Variants in ETNK1 observed in about 807,000 individuals in gnomAD.
ETNK1 encodes putative protein product of Nbla10396.
A neutral mutation model predicts 45.1 loss-of-function variants in ETNK1; 8 were observed. The ratio of observed to expected loss-of-function variants is 0.18; its 90% CI spans 0.10 to 0.32. The LOEUF is 0.32. Among genes scored for constraint, ETNK1 ranks in the 10% least tolerant of loss-of-function variants. ETNK1 has a pLI of 1.00. For missense variants in ETNK1, 302 were observed against 430.6 expected, an observed-to-expected ratio of 0.70 and a Z score of 2.64; for synonymous variants, 152 against 151.9, an observed-to-expected ratio of 1.00 and a Z score of -0.01.
At chr12:22,659,236 A>G (rs889711531) in intron 3 of ETNK1, 82 bp downstream of exon 3, 36 of 1,359,500 alleles carry the variant, frequency 2.6e-5, no homozygotes, top group Non-Finnish European at 3.3e-5. Flanking sequence ...GTAAAGTTTC[A>G]TTGTATAAAA....
chr12:22,671,380 T>C (rs1189223747), intron 5 of ETNK1, 25 bp downstream of exon 5: 1 of 1,348,216 alleles, frequency 7.4e-7, no homozygotes, highest in Non-Finnish European at 1.1e-6. Flanking sequence ...GTAACTTATT[T>C]AGCTTTGAAA....
chr12:22,684,490 A>G lies in ETNK1; in HGVS notation c.953A>G (p.His318Arg). 1 of 1,607,968 alleles carries G rather than the reference A, an allele frequency of 6.2e-7. No homozygotes were observed. The highest frequency in any genetic ancestry group is 8.5e-7 in the Non-Finnish European group (1 of 1,177,206). The stretch of plus-strand genomic sequence containing the variant: ...TTCTTTCCTTCTTTTAAGGCTTCTC[A>G]TTTCTTTTGGGGATTGTGGGCTTTG... ...IQVNQFALAS[H>R]FFWGLWALIQ... The change falls in exon 7 of 8, where the codon CAT (histidine) becomes CGT (arginine). Residue 318 changes from histidine to arginine, a missense_variant. Around this residue, in one of 3 missense-constraint regions of ETNK1, gnomAD observed 94 missense variants for 152.9 expected, o/e 0.61. Transcript: ENST00000266517.
chr12:22,658,914 AT>A, intron 2 of ETNK1, 99 bp from the exon 3 acceptor site: 1 of 1,250,898 alleles, frequency 8.0e-7, no homozygotes, highest in Admixed American at 2.3e-5. Flanking sequence ...CTACAAGAAG[AT>A]TCGGGAGACT....
In ETNK1 at chr12:22,671,265, C is replaced by A; in HGVS notation, c.701-7C>A. ...TCTTAATGTCTTTGTTTTTGTGTCT[C>A]ACATAGGTGATGTACAGTTCATTGA... is the stretch of plus-strand genomic sequence containing the variant. On this transcript the variant is annotated splice_region_variant and splice_polypyrimidine_tract_variant and intron_variant, in intron 4 of 7. Transcript: ENST00000266517. The A allele has an allele frequency of 6.3e-7, 1 of 1,581,074 alleles. No individual in the cohort carries two copies. The highest frequency in any genetic ancestry group is 8.7e-7 in the Non-Finnish European group (1 of 1,151,156).
intron 6 of ETNK1, among the ~76,000 whole-genome samples, chr12:22,683,141 G>A (rs1217474038): frequency 6.6e-6 from 1 of 152,124 alleles, no homozygotes; most frequent in Non-Finnish European, 1.5e-5. Flanking sequence ...CCACACGCCA[G>A]AGCCCAGCTT....
chr12:22,627,128 C>G (rs1305900399), intron 1 of ETNK1, among the ~76,000 whole-genome samples: 2 of 151,158 alleles, frequency 1.3e-5, no homozygotes, highest in Admixed American at 1.3e-4. Context: ...GTAATAATAG[C>G]TACTGTGGGG....
At position 22,676,855 on chromosome 12, in the gene ETNK1, GGT is replaced by G. The variant is rs199963892; in HGVS notation, c.945+3196_945+3197del. Among the ~76,000 whole-genome samples the G allele has an allele frequency of 6.2e-3, 824 of 133,956 alleles. 5 individuals carry two copies. The highest frequency in any genetic ancestry group is 0.019 in the African/African-American group (779 of 40,240). 87.9% of individuals were successfully genotyped at this position (133,956 alleles called of 152,430 possible). ...CATATCCTTTGCCTACGTTTTGATG[GGT>G]TTTTTTTTTCTTGTAAATTTGTTTA... On this transcript the variant is annotated intron_variant, in intron 6 of 7. Transcript: ENST00000266517.
intron 5 of ETNK1, among the ~76,000 whole-genome samples, chr12:22,672,555 TAAC>T (rs1342036003): frequency 6.6e-6 from 1 of 152,196 alleles, no homozygotes; most frequent in African/African-American, 2.4e-5. Flanking sequence ...AATAAAATAT[TAAC>T]ATGTTAGTAA....
At chr12:22,684,647 A>G (rs1203043057) in intron 7 of ETNK1, 91 bp downstream of exon 7, 1 of 951,312 alleles carries the variant, frequency 1.1e-6, no homozygotes, top group East Asian at 2.5e-5. Context: ...AGTTATTTGC[A>G]ATCAATTATA....
chr12:22,658,189 G>C (rs1953963253), intron 2 of ETNK1, among the ~76,000 whole-genome samples: 3 of 152,124 alleles, frequency 2.0e-5, no homozygotes, highest in Non-Finnish European at 2.9e-5. Context: ...TCAGGGGACA[G>C]AGAAGTTCAC....
intron 2 of ETNK1, chr12:22,644,344 G>T (rs377063571): frequency 2.4e-5 from 36 of 1,511,010 alleles, no homozygotes; most frequent in Non-Finnish European, 2.8e-5. Context: ...TCTTACTGCC[G>T]ATTGCTTATT....
At chr12:22,633,674 A>G (rs1327420500) in intron 1 of ETNK1, among the ~76,000 whole-genome samples, 1 of 152,220 alleles carries the variant, frequency 6.6e-6, no homozygotes. Flanking sequence ...GAATCTTAAA[A>G]TAAATTTTTA....
intron 1 of ETNK1, chr12:22,626,130 C>T (rs1953491663): frequency 1.1e-5 from 3 of 275,148 alleles, no homozygotes; most frequent in South Asian, 6.3e-5. Context: ...TTAGGCAGCA[C>T]CACACACATT....
At chr12:22,681,390 A>G (rs1345946350) in intron 6 of ETNK1, among the ~76,000 whole-genome samples, 1 of 152,046 alleles carries the variant, frequency 6.6e-6, no homozygotes, top group Non-Finnish European at 1.5e-5. Context: ...ATGACTCTTG[A>G]TTTCTCAGTC....
At chr12:22,637,615 G>A (rs1272531671) in intron 1 of ETNK1, among the ~76,000 whole-genome samples, 1 of 152,086 alleles carries the variant, frequency 6.6e-6, no homozygotes, top group African/African-American at 2.4e-5. Flanking sequence ...TTCCTTGAGG[G>A]CTTTATAGCC....
At chr12:22,684,809 C>A in intron 7 of ETNK1, 73 bp from the exon 8 acceptor site, 1 of 1,199,162 alleles carries the variant, frequency 8.3e-7, no homozygotes, top group Non-Finnish European at 1.2e-6. Flanking sequence ...GCTTAGAGGA[C>A]TGAGTGAAAA....
intron 6 of ETNK1, among the ~76,000 whole-genome samples, chr12:22,677,987 T>A (rs1295199901): frequency 6.6e-6 from 1 of 152,234 alleles, no homozygotes; most frequent in African/African-American, 2.4e-5. Flanking sequence ...TCGTCTGTTG[T>A]GTGCTTTTCC....
chr12:22,637,111 C>T (rs1472039546), intron 1 of ETNK1, among the ~76,000 whole-genome samples: 3 of 152,110 alleles, frequency 2.0e-5, no homozygotes, highest in Non-Finnish European at 4.4e-5. Flanking sequence ...TGATATCCTC[C>T]GATGCTCAGT....
intron 6 of ETNK1, among the ~76,000 whole-genome samples, chr12:22,681,107 G>A (rs1954211115): frequency 6.6e-6 from 1 of 151,840 alleles, no homozygotes; most frequent in East Asian, 1.9e-4. Context: ...GTATTTTGGG[G>A]GGATGCAAAT....
Sources: gnomAD v4.1 joint callset for allele counts (sites outside exome capture counted in the v4.1 genomes callset) on GRCh38, gnomAD v4.1.1 for gene constraint, gnomAD v4.1.1 regional missense constraint, MANE v1.5 for transcripts, NCBI Gene and HGNC (gene_info 2026-07-23, HGNC 2026-07-21) for gene names.